Variants in ITIH4 observed in about 807,000 individuals in gnomAD.
ITIH4 encodes the protein inter-alpha-trypsin inhibitor heavy chain H4.
A neutral mutation model predicts 111.8 loss-of-function variants in ITIH4; 79 were observed. That is an observed-to-expected ratio of 0.71 (90% confidence interval 0.59 to 0.85). The LOEUF is 0.85. ITIH4 is among the 40% of genes least tolerant of loss of function. The pLI is 0.00. For missense variants in ITIH4, 1,065 were observed against 1,195.8 expected (o/e 0.89, Z 1.61); for synonymous variants, 472 against 468.3 (o/e 1.01, Z -0.10).
At chr3:52,817,335 C>T (rs547810754) in intron 20 of ITIH4, among the ~76,000 whole-genome samples, 2 of 152,228 alleles carry the variant, frequency 1.3e-5, no homozygotes, top group African/African-American at 2.4e-5. Flanking sequence ...TGTCTCCAGT[C>T]AATAAGCCTT....
At position 52,814,578 on chromosome 3, in the gene ITIH4, T is replaced by C. The variant is rs539651237; in HGVS notation, c.2472-215A>G. On this transcript the variant is annotated intron_variant, in intron 21 of 23. Coordinates refer to ENST00000266041, the MANE Select transcript of ITIH4 (RefSeq NM_002218.5). ...TGATGTCTAGTTTCCCCATCACTTT[T>C]TTTTCTTTCTCTTTTTTGGTGGGGC... Among the ~76,000 whole-genome samples the C allele has an allele frequency of 3.3e-5, 5 of 152,246 alleles. No individual in the cohort carries two copies. The South Asian group carries it at 8.3e-4, about 25-fold the overall frequency.
chr3:52,828,314 T>A (rs1470924672), intron 2 of ITIH4, among the ~76,000 whole-genome samples: 1 of 152,174 alleles, frequency 6.6e-6, no homozygotes, highest in Non-Finnish European at 1.5e-5. Flanking sequence ...CTGGGCAGCA[T>A]AGGCCCGGGC....
At chr3:52,815,443 T>C (rs9881346) in intron 21 of ITIH4, among the ~76,000 whole-genome samples, 1,605 of 152,134 alleles carry the variant, frequency 0.011, 39 homozygotes, top group African/African-American at 0.037. Flanking sequence ...GGTTTCACCA[T>C]GTTGGCCAGG....
rs995229568 is a variant in ITIH4 at position 52,829,218 on chromosome 3, G to A, written c.152C>T (p.Thr51Met). Reference protein sequence around the residue: ...DSRVSSRFAHTVVTSRVVNRA... With the variant: ...DSRVSSRFAHMVVTSRVVNRA... The stretch of plus-strand genomic sequence containing the variant: ...ATTGACCACTCGGCTGGTGACGACC[G>A]TGTGGGCAAATCGGGATGAGACCCT... The change falls in exon 2 of 24, where the codon ACG (threonine) becomes ATG (methionine). Residue 51 changes from threonine to methionine, a missense_variant. Coordinates refer to ENST00000266041, the MANE Select transcript of ITIH4 (RefSeq NM_002218.5). 1.4e-5 allele frequency: 23 copies of A among 1,613,498 alleles called. No homozygotes were observed. Among genetic ancestry groups the A allele is most frequent in the African/African-American group, 2.7e-5 (2 of 74,896 alleles).
In ITIH4 at chr3:52,818,133, G is replaced by T; in HGVS notation, c.2215C>A (p.Pro739Thr). Reference protein sequence around the residue: ...IQAPSAILPLPGQSVERLCVD... With the variant: ...IQAPSAILPLTGQSVERLCVD... ...CAGAGCCGCTCCACACTCTGCCCAGGCAGTGGCAGGATGGCAGAGGGAGCC... is the reference window on the plus strand; with the variant it reads ...CAGAGCCGCTCCACACTCTGCCCAGTCAGTGGCAGGATGGCAGAGGGAGCC... The change falls in exon 20 of 24, where the codon CCT (proline) becomes ACT (threonine). Residue 739 changes from proline to threonine, a missense_variant. Physicochemically the swap from Pro to Thr is conservative, Grantham distance 38. Coordinates refer to ENST00000266041, the MANE Select transcript of ITIH4 (RefSeq NM_002218.5). 1 of 1,613,626 alleles carries T rather than the reference G, an allele frequency of 6.2e-7. No homozygotes were observed. Among genetic ancestry groups the T allele is most frequent in the Non-Finnish European group, 8.5e-7 (1 of 1,179,756 alleles).
At chr3:52,822,919 C>G (rs766701249) in intron 11 of ITIH4, among the ~76,000 whole-genome samples, 22 of 152,112 alleles carry the variant, frequency 1.4e-4, no homozygotes, top group Non-Finnish European at 2.9e-4. Context: ...GCTGGGGCTC[C>G]TGGTGCTGCT....
Position 52,818,460 on chromosome 3 carries a change from A to G in ITIH4, c.2152+2T>C. On this transcript the variant is annotated splice_donor_variant, in intron 18 of 23. Transcript: ENST00000266041. LOFTEE classifies it high-confidence loss of function. ...GGACAGGGCCTCTGGCCTTGGGGGCACCTTCGATTTTCATATTCATGACAC... is the reference window on the plus strand; with the variant it reads ...GGACAGGGCCTCTGGCCTTGGGGGCGCCTTCGATTTTCATATTCATGACAC... 1.3e-6 allele frequency: 2 copies of G among 1,599,322 alleles called. No homozygotes were observed. The highest frequency in any genetic ancestry group is 1.7e-6 in the Non-Finnish European group (2 of 1,172,596).
At position 52,816,888 on chromosome 3, in the gene ITIH4, G is replaced by C. The variant is rs199684270; in HGVS notation, c.2467C>G (p.Pro823Ala). Reference sequence around the variant, plus strand: ...GGGCTCCAGCCTGGGCCTTACCCGGGCATCACTGAGAATAGCGTCTCCTTC... The same window carrying C: ...GGGCTCCAGCCTGGGCCTTACCCGGCCATCACTGAGAATAGCGTCTCCTTC... ...KWKETLFSVM[P>A]GLKMTMDKTG... is the part of the protein sequence containing the mutation. Residue 823 changes from proline to alanine, a missense_variant, in exon 21 of 24, where the codon CCC becomes GCC. By Grantham distance (27) the Pro-to-Ala change is conservative. Coordinates refer to ENST00000266041, the MANE Select transcript of ITIH4 (RefSeq NM_002218.5). 6.2e-7 allele frequency: 1 copy of C among 1,613,328 alleles called. No homozygotes were observed. Among genetic ancestry groups the C allele is most frequent in the East Asian group, 2.2e-5 (1 of 44,860 alleles).
In ITIH4 at chr3:52,813,427, C is replaced by T. The variant is rs1015906047; in HGVS notation, c.2787G>A (p.Glu929=). 6.2e-7 allele frequency: 1 copy of T among 1,614,074 alleles called. No homozygotes were observed. The highest frequency in any genetic ancestry group is 8.5e-7 in the Non-Finnish European group (1 of 1,179,942). The change falls in exon 24 of 24, where the codon GAG becomes GAA. Residue 929 remains glutamate, a synonymous_variant. Coordinates refer to ENST00000266041, the MANE Select transcript of ITIH4 (RefSeq NM_002218.5). ...PGVEISCWSV[E]L Reference sequence around the variant, plus strand: ...ACAGCTCCTTCCATCAGAACTACAGCTCCACAGACCAGCAGGAAATCTCCA... The same window carrying T: ...ACAGCTCCTTCCATCAGAACTACAGTTCCACAGACCAGCAGGAAATCTCCA...
chr3:52,821,639 C>T (rs2154111407), intron 11 of ITIH4, among the ~76,000 whole-genome samples: 1 of 152,162 alleles, frequency 6.6e-6, no homozygotes, highest in East Asian at 1.9e-4. Context: ...TGTCCCTGTC[C>T]AAGCTGGCCC....
In ITIH4 at chr3:52,819,500, C is replaced by T. The variant is rs201259396; in HGVS notation, c.1970G>A (p.Arg657Gln). 5.1e-5 allele frequency: 83 copies of T among 1,614,134 alleles called. 1 individual carries two copies. The highest frequency in any genetic ancestry group is 3.3e-4 in the Middle Eastern group (2 of 6,062). ...GAGAACCCCAGGTCTGAAATTCATC[C>T]GGGAGCCAGCAGCTCCAGCTTTGGA... ...WNRQAGAAGSRMNFRPGVLSS... is the reference protein window; with the variant it reads ...WNRQAGAAGSQMNFRPGVLSS... The change falls in exon 17 of 24, where the codon CGG (arginine) becomes CAG (glutamine). Residue 657 changes from arginine to glutamine, a missense_variant. By Grantham distance (43) the Arg-to-Gln change is conservative. Coordinates refer to ENST00000266041, the MANE Select transcript of ITIH4 (RefSeq NM_002218.5).
chr3:52,813,847 A>C (rs1212425729), intron 23 of ITIH4, 128 bp downstream of exon 23: 3 of 746,320 alleles, frequency 4.0e-6, no homozygotes, highest in African/African-American at 1.7e-5. Flanking sequence ...CTACAGCATC[A>C]ACCTTCCACC....
intron 2 of ITIH4, 72 bp from the exon 3 acceptor site, chr3:52,827,269 G>A: frequency 6.6e-6 from 8 of 1,220,378 alleles, no homozygotes; most frequent in Non-Finnish European, 7.3e-6. Context: ...CTCCTCCAGA[G>A]AGCCTTTCTG....
At chr3:52,818,217 G>T (rs767469572) in intron 19 of ITIH4, 40 bp downstream of exon 19, 2 of 1,592,102 alleles carry the variant, frequency 1.3e-6, no homozygotes, top group Non-Finnish European at 1.7e-6. Context: ...CAGGCTGGGG[G>T]CAAGGATGTG....
chr3:52,820,028 C>T (rs1364152331), intron 14 of ITIH4, 38 bp from the exon 15 acceptor site: 2 of 1,603,164 alleles, frequency 1.2e-6, no homozygotes, highest in Non-Finnish European at 1.7e-6. Context: ...ATCTTGCACC[C>T]ACCTTCCTGT....
intron 17 of ITIH4, chr3:52,818,936 AG>A (rs955389725): frequency 3.5e-6 from 1 of 284,538 alleles, no homozygotes; most frequent in African/African-American, 2.2e-5. Flanking sequence ...TAGTGGGGAG[AG>A]GGGCCTTCAG....
chr3:52,828,313 A>G (rs1457409952), intron 2 of ITIH4, among the ~76,000 whole-genome samples: 1 of 152,208 alleles, frequency 6.6e-6, no homozygotes, highest in East Asian at 1.9e-4. Context: ...GCTGGGCAGC[A>G]TAGGCCCGGG....
At chr3:52,821,472 T>C (rs1242106023) in intron 11 of ITIH4, among the ~76,000 whole-genome samples, 3 of 147,834 alleles carry the variant, frequency 2.0e-5, no homozygotes, top group African/African-American at 8.0e-5. Context: ...GCAAGTGCAG[T>C]GTGGAGCAGG....
At chr3:52,823,486 G>C in intron 11 of ITIH4, 70 bp downstream of exon 11, 1 of 1,347,766 alleles carries the variant, frequency 7.4e-7, no homozygotes, top group Non-Finnish European at 1.0e-6. Context: ...TCTGGGATTT[G>C]AGTCCAGCCC....
Sources: allele counts gnomAD v4.1 joint callset (sites outside exome capture counted in the v4.1 genomes callset), GRCh38; gene constraint gnomAD v4.1.1; transcripts MANE v1.5; gene names NCBI Gene and HGNC (gene_info 2026-07-23, HGNC 2026-07-21).